Variants in PSD3 observed in about 807,000 individuals in gnomAD.
PSD3 encodes the protein pleckstrin and Sec7 domain containing 3, also known as PH and SEC7 domain-containing protein 3.
In PSD3, 49 loss-of-function variants were observed where a neutral mutation model predicts 105.5. The observed-to-expected ratio is 0.46, with a 90% confidence interval of 0.37 to 0.59. PSD3 has a LOEUF of 0.59. PSD3 is among the 20% of genes least tolerant of loss of function. The pLI is 0.00. For missense variants in PSD3, 1,561 were observed against 1,263.8 expected (o/e 1.24, Z -3.57); for synonymous variants, 557 against 457.8 (o/e 1.22, Z -2.77).
intron 1 of PSD3, among the ~76,000 whole-genome samples, chr8:19,063,248 G>T (rs1828963143): frequency 6.6e-6 from 1 of 152,164 alleles, no homozygotes. Flanking sequence ...CTGGTTAGCT[G>T]ATTTTAAAAG....
At chr8:19,083,619 G>C (rs943646683) in intron 1 of PSD3, among the ~76,000 whole-genome samples, 14 of 152,226 alleles carry the variant, frequency 9.2e-5, no homozygotes, top group African/African-American at 2.9e-4. Flanking sequence ...TGACAGTAGG[G>C]TGTGGCTGAG....
chr8:18,802,908 A>T (rs1200975107), intron 6 of PSD3, among the ~76,000 whole-genome samples: 1 of 152,246 alleles, frequency 6.6e-6, no homozygotes, highest in Non-Finnish European at 1.5e-5. Context: ...ATATTGTTGC[A>T]AACAGTTTTA....
At chr8:19,045,200 A>C (rs1828275057) in intron 1 of PSD3, among the ~76,000 whole-genome samples, 1 of 152,218 alleles carries the variant, frequency 6.6e-6, no homozygotes, top group East Asian at 1.9e-4. Flanking sequence ...AAAAAACAAA[A>C]ACCCAGAAAG....
At chr8:18,768,662 T>C (rs886545407) in intron 8 of PSD3, among the ~76,000 whole-genome samples, 5 of 152,310 alleles carry the variant, frequency 3.3e-5, no homozygotes, top group African/African-American at 9.6e-5. Flanking sequence ...CAGATTTGCC[T>C]GAGAACATAC....
chr8:18,593,699 C>A (rs1803786903), intron 12 of PSD3, among the ~76,000 whole-genome samples: 1 of 152,016 alleles, frequency 6.6e-6, no homozygotes, highest in Admixed American at 6.6e-5. Flanking sequence ...GCACTACTCA[C>A]AATAGCAAAG....
chr8:18,922,904 C>A (rs773149126), intron 2 of PSD3, among the ~76,000 whole-genome samples: 1 of 152,118 alleles, frequency 6.6e-6, no homozygotes, highest in Non-Finnish European at 1.5e-5. Flanking sequence ...CTGGACACAC[C>A]GCCGTCCTGG....
chr8:18,600,476 C>T (rs765511147), intron 11 of PSD3, 42 bp from the exon 12 acceptor site: 3 of 1,433,642 alleles, frequency 2.1e-6, no homozygotes, highest in Non-Finnish European at 2.9e-6. Context: ...TTGACATCAG[C>T]ATTTTAGAAA....
intron 4 of PSD3, among the ~76,000 whole-genome samples, chr8:18,815,402 G>C (rs1256605930): frequency 2.0e-5 from 3 of 152,082 alleles, no homozygotes; most frequent in Non-Finnish European, 4.4e-5. Flanking sequence ...TCCACCTCCA[G>C]GGTTCAAGCG....
chr8:18,799,121 T>C, intron 8 of PSD3, 174 bp downstream of exon 8: 1 of 600,278 alleles, frequency 1.7e-6, no homozygotes, highest in Non-Finnish European at 2.9e-6. Flanking sequence ...TACTCTGTGC[T>C]AGCATGTGAA....
At chr8:18,710,645 G>C (rs536557631) in intron 9 of PSD3, among the ~76,000 whole-genome samples, 21 of 152,198 alleles carry the variant, frequency 1.4e-4, no homozygotes, top group African/African-American at 5.1e-4. Flanking sequence ...GGACCTCTCA[G>C]CAGAAACCTT....
intron 1 of PSD3, among the ~76,000 whole-genome samples, chr8:18,999,436 G>A (rs1459424540): frequency 1.3e-5 from 2 of 151,968 alleles, no homozygotes; most frequent in East Asian, 1.9e-4. Context: ...CTGCCCACAT[G>A]ACTGAGGTGG....
At chr8:18,738,579 A>C (rs1804326880) in intron 9 of PSD3, among the ~76,000 whole-genome samples, 1 of 152,206 alleles carries the variant, frequency 6.6e-6, no homozygotes, top group South Asian at 2.1e-4. Context: ...TAAATTTTTA[A>C]TACAGTAATC....
At chr8:18,678,357 A>C (rs1354942874) in intron 9 of PSD3, among the ~76,000 whole-genome samples, 3 of 152,242 alleles carry the variant, frequency 2.0e-5, no homozygotes, top group African/African-American at 7.2e-5. Flanking sequence ...ACCAAAGGCC[A>C]ATGTAAACAG....
intron 14 of PSD3, 55 bp downstream of exon 14, chr8:18,572,473 A>C: frequency 6.4e-7 from 1 of 1,574,184 alleles, no homozygotes; most frequent in Admixed American, 1.8e-5. Flanking sequence ...AATATTTATC[A>C]CATTATTTTA....
intron 8 of PSD3, among the ~76,000 whole-genome samples, chr8:18,785,352 G>C (rs142843578): frequency 8.5e-5 from 13 of 152,228 alleles, no homozygotes; most frequent in Middle Eastern, 3.4e-3. Flanking sequence ...AGCATTTTAG[G>C]TTATGAAGAC....
intron 1 of PSD3, among the ~76,000 whole-genome samples, chr8:19,077,727 G>T (rs1182720786): frequency 6.6e-6 from 1 of 152,082 alleles, no homozygotes; most frequent in Non-Finnish European, 1.5e-5. Context: ...AATATATTAG[G>T]ATCAAATCAT....
chr8:18,799,241 A>G (rs767613161), intron 8 of PSD3, 54 bp downstream of exon 8: 1 of 1,450,500 alleles, frequency 6.9e-7, no homozygotes, highest in African/African-American at 1.4e-5. Flanking sequence ...TGAACATAAA[A>G]GCAGAGATAA....
At chr8:18,920,627 C>G (rs942429153) in intron 2 of PSD3, among the ~76,000 whole-genome samples, 3 of 152,098 alleles carry the variant, frequency 2.0e-5, no homozygotes, top group Admixed American at 6.5e-5. Flanking sequence ...AGTAAAAAAC[C>G]TTTTATTGAC....
At chr8:18,912,751 G>A (rs534781327) in intron 2 of PSD3, among the ~76,000 whole-genome samples, 19 of 152,304 alleles carry the variant, frequency 1.2e-4, no homozygotes, top group African/African-American at 4.3e-4. Context: ...AGTGAACAGT[G>A]ACAGGTGGGA....
Sources: gnomAD v4.1 joint callset for allele counts (sites outside exome capture counted in the v4.1 genomes callset) on GRCh38, gnomAD v4.1.1 for gene constraint, MANE v1.5 for transcripts, NCBI Gene and HGNC (gene_info 2026-07-23, HGNC 2026-07-21) for gene names.